Variants in KLF15 observed in about 807,000 individuals in gnomAD.
KLF15 encodes KLF transcription factor 15, also known as Krueppel-like factor 15.
KLF15 carries 4 observed loss-of-function variants against 24.6 expected under a neutral mutation model. The observed-to-expected ratio is 0.16, with a 90% confidence interval of 0.08 to 0.37. The LOEUF (loss-of-function observed/expected upper bound fraction) is 0.37, where lower values mean the gene tolerates loss of function less well. Ranked by LOEUF, KLF15 falls within the 10% of genes least tolerant of loss-of-function variation. The pLI is 1.00. For missense variants in KLF15, 496 were observed against 560.6 expected (o/e 0.88, Z 1.16); for synonymous variants, 246 against 236.3 (o/e 1.04, Z -0.37).
At chr3:126,295,589 C>A in the KLF15 span, among the ~76,000 whole-genome samples, 2 of 152,180 alleles carry the variant, frequency 1.3e-5, no homozygotes, top group African/African-American at 4.8e-5. Context: ...GGCACCCTCC[C>A]CTCCACCCAG....
At chr3:126,329,926 G>GT in the KLF15 span, among the ~76,000 whole-genome samples, 7 of 151,252 alleles carry the variant, frequency 4.6e-5, no homozygotes, top group East Asian at 1.4e-3. Context: ...TACTGTTGCA[G>GT]TTTTTAGTTG....
chr3:126,296,239 C>T, the KLF15 span, among the ~76,000 whole-genome samples: 123 of 152,268 alleles, frequency 8.1e-4, no homozygotes, highest in Middle Eastern at 3.4e-3. Flanking sequence ...TTTGGAGTCT[C>T]GCTCTATCGC....
chr3:126,353,240 G>A (rs561781243), intron 1 of KLF15, among the ~76,000 whole-genome samples: 1 of 152,352 alleles, frequency 6.6e-6, no homozygotes, highest in Admixed American at 6.5e-5. Flanking sequence ...GAACAACTGA[G>A]TATGGGTGAG....
the KLF15 span, among the ~76,000 whole-genome samples, chr3:126,317,835 G>T: frequency 6.6e-6 from 1 of 152,064 alleles, no homozygotes; most frequent in African/African-American, 2.4e-5. Flanking sequence ...TTAAAAACTT[G>T]CCTGGGTGTC....
chr3:126,290,219 A>T, the KLF15 span, among the ~76,000 whole-genome samples: 1 of 151,862 alleles, frequency 6.6e-6, no homozygotes, highest in African/African-American at 2.4e-5. Flanking sequence ...CTTTTCTATG[A>T]TCTGCTGCTG....
the KLF15 span, among the ~76,000 whole-genome samples, chr3:126,309,443 C>G: frequency 2.0e-5 from 3 of 152,220 alleles, no homozygotes; most frequent in Non-Finnish European, 4.4e-5. Flanking sequence ...GGGCAGAGCC[C>G]AGGATGACCC....
chr3:126,321,152 T>A, the KLF15 span, among the ~76,000 whole-genome samples: 5 of 152,128 alleles, frequency 3.3e-5, no homozygotes, highest in African/African-American at 1.2e-4. Flanking sequence ...ACTACACATG[T>A]GATCTCCAGT....
chr3:126,331,320 C>A, the KLF15 span, among the ~76,000 whole-genome samples: 1 of 152,184 alleles, frequency 6.6e-6, no homozygotes, highest in Non-Finnish European at 1.5e-5. Context: ...ACAAACCAAA[C>A]CCAGGAAATG....
At chr3:126,342,456 G>A (rs571689449), downstream of KLF15, among the ~76,000 whole-genome samples, 2 of 152,178 alleles carry the variant, frequency 1.3e-5, no homozygotes, top group Non-Finnish European at 2.9e-5. Flanking sequence ...CTGGCCTGGA[G>A]CTGAGCTGTA....
At chr3:126,290,171 G>A in the KLF15 span, among the ~76,000 whole-genome samples, 1 of 152,150 alleles carries the variant, frequency 6.6e-6, no homozygotes, top group African/African-American at 2.4e-5. Flanking sequence ...GGGAGTAGGG[G>A]TCCCAAGTTT....
chr3:126,354,047 CT>C (rs1402023052), intron 1 of KLF15: 2 of 152,408 alleles, frequency 1.3e-5, no homozygotes, highest in African/African-American at 4.8e-5. Flanking sequence ...CTGTCTCCCC[CT>C]GAGACAGTGC....
the KLF15 span, among the ~76,000 whole-genome samples, chr3:126,289,226 A>G: frequency 0.32 from 48,391 of 152,124 alleles, 8,216 homozygotes; most frequent in African/African-American, 0.43. Flanking sequence ...AAAAGTTTTA[A>G]AGCCAAATAT....
the KLF15 span, among the ~76,000 whole-genome samples, chr3:126,296,286 C>G: frequency 6.6e-6 from 1 of 152,172 alleles, no homozygotes; most frequent in Non-Finnish European, 1.5e-5. Context: ...CTGCTCACTA[C>G]AAGCTCCACC....
chr3:126,339,386 A>T (rs570279895), downstream of KLF15, among the ~76,000 whole-genome samples: 19 of 152,198 alleles, frequency 1.2e-4, no homozygotes, highest in African/African-American at 4.6e-4. Context: ...CCCTCCCACT[A>T]CAGCCTGGGC....
At chr3:126,333,496 G>T in the KLF15 span, among the ~76,000 whole-genome samples, 1 of 126,498 alleles carries the variant, frequency 7.9e-6, no homozygotes. Context: ...ATCGAGACTA[G>T]GAAGAAACTG....
At chr3:126,331,050 T>G in the KLF15 span, among the ~76,000 whole-genome samples, 2 of 152,122 alleles carry the variant, frequency 1.3e-5, no homozygotes, top group Non-Finnish European at 2.9e-5. Flanking sequence ...GCCCCTATCC[T>G]CAGGAGTCTG....
At chr3:126,292,777 G>A in the KLF15 span, among the ~76,000 whole-genome samples, 1 of 152,122 alleles carries the variant, frequency 6.6e-6, no homozygotes, top group African/African-American at 2.4e-5. Flanking sequence ...CCCAGAAGGA[G>A]ACAAAGAGGA....
At chr3:126,309,423 G>A in the KLF15 span, among the ~76,000 whole-genome samples, 7 of 152,256 alleles carry the variant, frequency 4.6e-5, no homozygotes, top group Non-Finnish European at 7.3e-5. Context: ...GAGAGTCACA[G>A]ATAAGCAAGG....
the KLF15 span, among the ~76,000 whole-genome samples, chr3:126,307,963 G>A: frequency 1.3e-5 from 2 of 152,238 alleles, no homozygotes; most frequent in East Asian, 1.9e-4. Context: ...GGCTGTGCCC[G>A]CAGCCCGGTG....
Sources: allele counts gnomAD v4.1 joint callset (sites outside exome capture counted in the v4.1 genomes callset), GRCh38; gene constraint gnomAD v4.1.1; transcripts MANE v1.5; gene names NCBI Gene and HGNC (gene_info 2026-07-23, HGNC 2026-07-21).